KLHL29: variants seen among roughly 807,000 people sequenced by gnomAD.
KLHL29 encodes kelch-like protein 29.
Under a neutral mutation model 80.4 loss-of-function variants are expected in KLHL29, and 21 were observed. The ratio of observed to expected loss-of-function variants is 0.26; its 90% CI spans 0.19 to 0.38. The LOEUF is 0.38. Among genes scored for constraint, KLHL29 ranks in the 10% least tolerant of loss-of-function variants. The pLI, the probability that KLHL29 is intolerant of heterozygous loss-of-function variation, is 1.00. For synonymous variants in KLHL29, 511 were observed against 526.8 expected, an observed-to-expected ratio of 0.97 and a Z score of 0.41; for missense variants, 867 against 1,223.9, an observed-to-expected ratio of 0.71 and a Z score of 4.35.
intron 3 of KLHL29, among the ~76,000 whole-genome samples, chr2:23,603,543 C>G (rs1668627487): frequency 6.6e-6 from 1 of 152,186 alleles, no homozygotes; most frequent in South Asian, 2.1e-4. Context: ...AGGCCCAGGC[C>G]TTTTGAAAGG....
chr2:23,674,250 C>G (rs1033333873), intron 5 of KLHL29, among the ~76,000 whole-genome samples: 1 of 152,118 alleles, frequency 6.6e-6, no homozygotes, highest in Non-Finnish European at 1.5e-5. Flanking sequence ...CCCCTCCCCC[C>G]GCCAGTACCT....
chr2:23,489,392 C>T (rs1665031836), intron 2 of KLHL29, among the ~76,000 whole-genome samples: 1 of 152,098 alleles, frequency 6.6e-6, no homozygotes, highest in Non-Finnish European at 1.5e-5. Flanking sequence ...TCCGGTGGCT[C>T]CTGCAGGCTT....
At chr2:23,493,025 A>T (rs896045791) in intron 2 of KLHL29, among the ~76,000 whole-genome samples, 1 of 152,188 alleles carries the variant, frequency 6.6e-6, no homozygotes, top group Non-Finnish European at 1.5e-5. Context: ...ATATTCCAGG[A>T]TCTAATGGGC....
chr2:23,643,204 A>C, intron 5 of KLHL29: 1 of 443,898 alleles, frequency 2.3e-6, no homozygotes, highest in South Asian at 2.0e-5. Context: ...AGAGTCATCC[A>C]CTCCTCTCAG....
intron 3 of KLHL29, among the ~76,000 whole-genome samples, chr2:23,566,925 G>A (rs553553440): frequency 3.3e-5 from 5 of 152,218 alleles, no homozygotes; most frequent in African/African-American, 4.8e-5. Context: ...TCCCCCCCTG[G>A]TGGTTGGTGC....
intron 2 of KLHL29, among the ~76,000 whole-genome samples, chr2:23,502,472 G>T (rs775306366): frequency 1.3e-5 from 2 of 152,226 alleles, no homozygotes; most frequent in Admixed American, 6.5e-5. Context: ...CTTTTGGGGG[G>T]CCCCAGATTT....
intron 3 of KLHL29, among the ~76,000 whole-genome samples, chr2:23,589,174 G>A (rs945355316): frequency 6.6e-6 from 1 of 152,268 alleles, no homozygotes; most frequent in African/African-American, 2.4e-5. Context: ...GAGCCAGGCG[G>A]CCTTTGCGCC....
intron 2 of KLHL29, among the ~76,000 whole-genome samples, chr2:23,490,849 C>G (rs567767388): frequency 6.6e-6 from 1 of 152,190 alleles, no homozygotes; most frequent in Non-Finnish European, 1.5e-5. Context: ...GAGGGTGTAA[C>G]GGGCAGCCCT....
intron 1 of KLHL29, among the ~76,000 whole-genome samples, chr2:23,394,907 C>T (rs1430927492): frequency 6.6e-6 from 1 of 152,192 alleles, no homozygotes; most frequent in Non-Finnish European, 1.5e-5. Flanking sequence ...TGATTTGGAT[C>T]TACGAAGATT....
chr2:23,673,051 A>G (rs1034556178), intron 5 of KLHL29, among the ~76,000 whole-genome samples: 1 of 152,188 alleles, frequency 6.6e-6, no homozygotes, highest in African/African-American at 2.4e-5. Context: ...GCTAGGGGAA[A>G]AAGATGATGG....
chr2:23,452,340 A>G (rs1437481762), intron 1 of KLHL29, among the ~76,000 whole-genome samples: 1 of 151,964 alleles, frequency 6.6e-6, no homozygotes, highest in African/African-American at 2.4e-5. Flanking sequence ...CAGCAGTCTC[A>G]TGAACTGAGT....
At chr2:23,478,972 C>T (rs528459989) in intron 2 of KLHL29, among the ~76,000 whole-genome samples, 16 of 151,974 alleles carry the variant, frequency 1.1e-4, no homozygotes, top group East Asian at 1.9e-4. Context: ...CTCCCCTGCC[C>T]GCTGCCTGCC....
rs72780344 is a variant in KLHL29, at chr2:23,562,463, G to A, written c.267G>A (p.Ala89=). The A allele has an allele frequency of 1.3e-3, 2,061 of 1,536,174 alleles. 2 individuals carry two copies. The highest frequency in any genetic ancestry group is 1.7e-3 in the Non-Finnish European group (1,955 of 1,146,756). The part of the protein sequence containing the change: ...EAITSLVASS[A]SAVTTKAPGI... ...TCACCAGCCTCGTGGCCAGCTCTGC[G>A]TCTGCGGTCACCACCAAGGTAAGAT... The change falls in exon 3 of 14, where the codon GCG becomes GCA. Residue 89 remains alanine, a synonymous_variant. Coordinates refer to ENST00000486442, the MANE Select transcript of KLHL29 (RefSeq NM_052920.2). This position sits in a 1 kb window ranked among gnomAD's most constrained non-coding sequence, Gnocchi z 4.5.
intron 3 of KLHL29, among the ~76,000 whole-genome samples, chr2:23,605,516 A>T (rs1309597947): frequency 6.6e-6 from 1 of 152,158 alleles, no homozygotes; most frequent in Non-Finnish European, 1.5e-5. Context: ...GGAACTGCGC[A>T]TGGTGAGGGA....
chr2:23,544,365 G>T (rs1016077463), intron 2 of KLHL29, among the ~76,000 whole-genome samples: 5 of 152,214 alleles, frequency 3.3e-5, no homozygotes, highest in African/African-American at 1.2e-4. Flanking sequence ...CTGCCTGGGC[G>T]TGAATCCTCC....
At chr2:23,476,949 C>T (rs967734685) in intron 2 of KLHL29, among the ~76,000 whole-genome samples, 1 of 152,252 alleles carries the variant, frequency 6.6e-6, no homozygotes, top group Non-Finnish European at 1.5e-5. Flanking sequence ...GAGTTGACAA[C>T]GTTCACCACA....
At chr2:23,586,445 C>T (rs1203103918) in intron 3 of KLHL29, among the ~76,000 whole-genome samples, 2 of 149,470 alleles carry the variant, frequency 1.3e-5, no homozygotes, top group Non-Finnish European at 3.0e-5. Context: ...CTGCAACCTC[C>T]ATGTCCTGGG....
chr2:23,623,640 C>T (rs1431013509), intron 3 of KLHL29, among the ~76,000 whole-genome samples: 1 of 152,120 alleles, frequency 6.6e-6, no homozygotes, highest in Non-Finnish European at 1.5e-5. Flanking sequence ...CTGTGGGGGC[C>T]GGAGTCCCCC....
At chr2:23,470,605 C>T (rs1423369153) in intron 1 of KLHL29, among the ~76,000 whole-genome samples, 1 of 152,222 alleles carries the variant, frequency 6.6e-6, no homozygotes, top group Admixed American at 6.5e-5. Context: ...ATTGTTACCT[C>T]TCAAATCGGT....
Sources: gnomAD v4.1 joint callset for allele counts (sites outside exome capture counted in the v4.1 genomes callset) on GRCh38, gnomAD v4.1.1 for gene constraint, Gnocchi (gnomAD v3.1) non-coding constraint, MANE v1.5 for transcripts, NCBI Gene and HGNC (gene_info 2026-07-23, HGNC 2026-07-21) for gene names.